Variants in ESYT2 observed in about 807,000 individuals in gnomAD.
ESYT2 encodes extended synaptotagmin-2.
A neutral mutation model predicts 107.2 loss-of-function variants in ESYT2; 54 were observed. The observed-to-expected ratio is 0.50, with a 90% CI of 0.40 to 0.63. ESYT2 has a LOEUF of 0.63. Ranked by LOEUF, ESYT2 falls within the 30% of genes least tolerant of loss-of-function variation. The pLI, the probability that ESYT2 is intolerant of heterozygous loss-of-function variation, is 0.00. For missense variants in ESYT2, 1,020 were observed against 1,094.5 expected, an observed-to-expected ratio of 0.93 and a Z score of 0.96; for synonymous variants, 491 against 434.1, an observed-to-expected ratio of 1.13 and a Z score of -1.63.
rs1472867708 is a variant in ESYT2, at chr7:158,738,371, ACACACACT to A, written c.2267+644_2267+651del. Among the ~76,000 whole-genome samples the A allele has an allele frequency of 7.0e-5, 10 of 142,528 alleles. 1 individual carries two copies. The East Asian group carries it at 2.1e-3, about 29-fold the overall frequency. 93.5% of individuals were successfully genotyped at this position (142,528 alleles called of 152,430 possible). ...CACACACACACACACACACACACAC[ACACACACT>A]CTTCCTGCTCTAGGCTACACATTTG... is the stretch of plus-strand genomic sequence containing the variant. On this transcript the variant is annotated intron_variant, in intron 19 of 22. Transcript: ENST00000275418.
At chr7:158,764,531 T>C (rs1838083524) in intron 9 of ESYT2, 146 bp downstream of exon 9, 2 of 851,532 alleles carry the variant, frequency 2.3e-6, no homozygotes, top group Non-Finnish European at 1.8e-6. Flanking sequence ...ACGACACTTT[T>C]TAAAGATGGG....
intron 7 of ESYT2, among the ~76,000 whole-genome samples, chr7:158,770,332 T>C (rs1023864963): frequency 2.0e-5 from 3 of 146,578 alleles, no homozygotes; most frequent in African/African-American, 7.4e-5. Flanking sequence ...GTAAACATAA[T>C]TTATTATATA....
At chr7:158,761,412 G>A in intron 11 of ESYT2, 84 bp downstream of exon 11, 4 of 1,157,580 alleles carry the variant, frequency 3.5e-6, no homozygotes, top group Non-Finnish European at 5.2e-6. Flanking sequence ...GTGTGATGGT[G>A]AAGGGGTGGT....
At chr7:158,803,496 T>A (rs911833213) in intron 1 of ESYT2, among the ~76,000 whole-genome samples, 4 of 152,196 alleles carry the variant, frequency 2.6e-5, no homozygotes. Context: ...CAGGTTTACT[T>A]AAACAGATGT....
intron 13 of ESYT2, among the ~76,000 whole-genome samples, chr7:158,756,983 A>T (rs1162487811): frequency 1.3e-5 from 2 of 152,112 alleles, no homozygotes; most frequent in African/African-American, 2.4e-5. Context: ...CTTTACAAAA[A>T]AATTTACATC....
rs578094406 is a variant in ESYT2, at chr7:158,753,072, C to T, written c.1420-229G>A. 5.7e-4 allele frequency among the ~76,000 whole-genome samples: 87 copies of T among 152,338 alleles called. 1 individual carries two copies. The highest frequency in any genetic ancestry group is 2.0e-3 in the African/African-American group (83 of 41,582). ...TGCATATCAAAAGACAGCTCCTTAT[C>T]CCCTATGATTAATATTCTTTTACTA... On this transcript the variant is annotated intron_variant, in intron 13 of 22. Transcript: ENST00000275418.
chr7:158,806,225 A>G (rs1231924613), intron 1 of ESYT2, among the ~76,000 whole-genome samples: 3 of 151,794 alleles, frequency 2.0e-5, no homozygotes, highest in Admixed American at 2.0e-4. Context: ...ACACTTCATC[A>G]CTATTTCTTC....
In ESYT2 at chr7:158,793,665, A is replaced by G. The variant is rs766311699; in HGVS notation, c.569T>C (p.Leu190Ser). 6.2e-7 allele frequency: 1 copy of G among 1,612,726 alleles called. No homozygotes were observed. Among genetic ancestry groups the G allele is most frequent in the South Asian group, 1.1e-5 (1 of 91,016 alleles). Reference protein sequence around the residue: ...TENVDKRQIILDLQISFVGNC... With the variant: ...TENVDKRQIISDLQISFVGNC... ...AAAAACTTACCTAATCTGAAGGTCC[A>G]AAATAATTTGCCTTTTGTCTACATT... is the stretch of plus-strand genomic sequence containing the variant. The change falls in exon 4 of 23, where the codon TTG (leucine) becomes TCG (serine). Residue 190 changes from leucine (L) to serine (S), a missense_variant. Leu to Ser is a moderately radical substitution (Grantham distance 145, BLOSUM62 -2). Coordinates refer to ENST00000275418, the MANE Select transcript of ESYT2 (RefSeq NM_001367773.1).
At chr7:158,806,610 G>A (rs774917174) in intron 1 of ESYT2, among the ~76,000 whole-genome samples, 3 of 152,220 alleles carry the variant, frequency 2.0e-5, no homozygotes, top group South Asian at 2.1e-4. Context: ...ATATAAACAC[G>A]TCCGTGAAGA....
At chr7:158,734,743 G>A (rs1370913608) in intron 21 of ESYT2, among the ~76,000 whole-genome samples, 1 of 152,202 alleles carries the variant, frequency 6.6e-6, no homozygotes, top group African/African-American at 2.4e-5. Flanking sequence ...AGCCATGATC[G>A]CGCCACTGGA....
intron 7 of ESYT2, among the ~76,000 whole-genome samples, chr7:158,769,435 G>A (rs1166588155): frequency 2.0e-5 from 3 of 152,166 alleles, no homozygotes; most frequent in Non-Finnish European, 4.4e-5. Flanking sequence ...TCCCCTCACT[G>A]CGCCTCCTCA....
intron 1 of ESYT2, among the ~76,000 whole-genome samples, chr7:158,811,098 T>C (rs949457689): frequency 6.6e-6 from 1 of 151,928 alleles, no homozygotes. Context: ...AGGTCAAGAC[T>C]GCGGTGAGCC....
At position 158,749,738 on chromosome 7, in the gene ESYT2, C is replaced by G. The variant is rs377126313; in HGVS notation, c.1483-15G>C. 1.9e-6 allele frequency: 3 copies of G among 1,611,000 alleles called. No individual in the cohort carries two copies. Among genetic ancestry groups the G allele is most frequent in the Non-Finnish European group, 2.5e-6 (3 of 1,178,318 alleles). Reference sequence around the variant, plus strand: ...TTCTTCCCTGACTACCCAAAACAAACAGAAAACAGACAAAATAAATAAACA... The same window carrying G: ...TTCTTCCCTGACTACCCAAAACAAAGAGAAAACAGACAAAATAAATAAACA... On this transcript the variant is annotated splice_polypyrimidine_tract_variant and intron_variant, in intron 14 of 22. Coordinates refer to ENST00000275418, the MANE Select transcript of ESYT2 (RefSeq NM_001367773.1).
intron 19 of ESYT2, 48 bp downstream of exon 19, chr7:158,738,975 T>C: frequency 1.3e-6 from 2 of 1,555,892 alleles, no homozygotes; most frequent in African/African-American, 1.4e-5. Flanking sequence ...CTATCCAGCA[T>C]CCACACTCAG....
At chr7:158,826,182 GT>G (rs1840438724) in intron 1 of ESYT2, among the ~76,000 whole-genome samples, 1 of 152,116 alleles carries the variant, frequency 6.6e-6, no homozygotes, top group South Asian at 2.1e-4. Context: ...CAACCTGCTG[GT>G]TTTATTATGA....
intron 10 of ESYT2, among the ~76,000 whole-genome samples, 175 bp from the exon 11 acceptor site, chr7:158,761,719 T>C (rs995966256): frequency 6.6e-6 from 1 of 152,124 alleles, no homozygotes; most frequent in East Asian, 1.9e-4. Context: ...AGACTATTTT[T>C]CCACAAGCTT....
At chr7:158,752,641 C>A in intron 14 of ESYT2, 140 bp downstream of exon 14, 1 of 415,962 alleles carries the variant, frequency 2.4e-6, no homozygotes, top group Non-Finnish European at 4.0e-6. Flanking sequence ...TATTGGATAA[C>A]AAAAGTAGGG....
intron 17 of ESYT2, 82 bp from the exon 18 acceptor site, chr7:158,741,978 C>T: frequency 1.4e-6 from 2 of 1,436,630 alleles, no homozygotes; most frequent in Non-Finnish European, 1.8e-6. Flanking sequence ...GATGTCTTTA[C>T]CTGCAAAAAT....
chr7:158,753,768 T>A (rs1837661824), intron 13 of ESYT2, among the ~76,000 whole-genome samples: 1 of 151,670 alleles, frequency 6.6e-6, no homozygotes, highest in African/African-American at 2.4e-5. Context: ...CTCTCAAAAG[T>A]CCCTAGATCC....
Sources: gnomAD v4.1 joint callset for allele counts (sites outside exome capture counted in the v4.1 genomes callset) on GRCh38, gnomAD v4.1.1 for gene constraint, MANE v1.5 for transcripts, NCBI Gene and HGNC (gene_info 2026-07-23, HGNC 2026-07-21) for gene names.